Variants in VGLL3 observed in about 807,000 individuals in gnomAD.
The protein encoded by VGLL3 is vestigial like family member 3, also known as transcription cofactor vestigial-like protein 3.
A neutral mutation model predicts 29.2 loss-of-function variants in VGLL3; 18 were observed. That is an observed-to-expected ratio of 0.62 (90% CI 0.43 to 0.91). The LOEUF (loss-of-function observed/expected upper bound fraction) is 0.91. Ranked by LOEUF, VGLL3 falls within the 40% of genes least tolerant of loss-of-function variation. VGLL3 has a pLI of 0.00. For synonymous variants in VGLL3, 180 were observed against 151.8 expected (o/e 1.19, Z -1.36); for missense variants, 440 against 413.2 (o/e 1.06, Z -0.56).
intron 3 of VGLL3, among the ~76,000 whole-genome samples, chr3:86,959,752 C>A (rs1704800480): frequency 6.6e-6 from 1 of 151,922 alleles, no homozygotes; most frequent in South Asian, 2.1e-4. Context: ...ACATTAGTAC[C>A]CCAATGAAAT....
chr3:86,983,513 G>T (rs1705372618), intron 1 of VGLL3, among the ~76,000 whole-genome samples: 1 of 152,070 alleles, frequency 6.6e-6, no homozygotes, highest in Non-Finnish European at 1.5e-5. Flanking sequence ...CACTTCAACT[G>T]GGACTACAGG....
chr3:86,947,250 A>G lies in VGLL3; in HGVS notation c.938-183T>C, dbSNP rs375832017. 7.9e-5 allele frequency among the ~76,000 whole-genome samples: 12 copies of G among 152,348 alleles called. No individual in the cohort carries two copies. The East Asian group carries it at 1.7e-3, about 22-fold the overall frequency. ...GTGCTGGAGCTCACAATTTTCAAAA[A>G]ATCAACTAACACAGTATGTGACAAA... On this transcript the variant is annotated intron_variant, in intron 3 of 3. Coordinates refer to ENST00000398399, the MANE Select transcript of VGLL3 (RefSeq NM_016206.4).
chr3:86,982,181 G>C (rs1197138151), intron 1 of VGLL3, among the ~76,000 whole-genome samples: 1 of 151,984 alleles, frequency 6.6e-6, no homozygotes, highest in Admixed American at 6.6e-5. Flanking sequence ...TTTTGCTCTT[G>C]TTGCCCAGGC....
chr3:86,949,899 T>C (rs1489103148), intron 3 of VGLL3, among the ~76,000 whole-genome samples: 1 of 151,168 alleles, frequency 6.6e-6, no homozygotes, highest in Non-Finnish European at 1.5e-5. Context: ...TTAAGACAAC[T>C]GGTAATGGTA....
At chr3:86,955,572 G>A (rs1704705000) in intron 3 of VGLL3, among the ~76,000 whole-genome samples, 2 of 151,876 alleles carry the variant, frequency 1.3e-5, no homozygotes, top group African/African-American at 2.4e-5. Context: ...TGTATTTTTA[G>A]TACAGACGGA....
chr3:86,939,189 A>C lies in VGLL3; in HGVS notation c.*7835T>G, dbSNP rs890306700. 48 of 152,236 alleles carry C rather than the reference A, an allele frequency of 3.2e-4. 1 individual carries two copies. The highest frequency in any genetic ancestry group is 9.2e-4 in the African/African-American group (38 of 41,460). 9.4% of individuals were successfully genotyped at this position (152,236 alleles called of 1,614,324 possible). A position where few individuals can be genotyped will look rare whatever the true frequency, so the allele number is the denominator to read the frequency against. ...ATTATGACTTGCTACTCCCAGTGAA[A>C]TAGTCCTTCTCGATTACAAGAGTGA... On this transcript the variant is annotated 3_prime_UTR_variant, in exon 4 of 4. Transcript: ENST00000398399.
chr3:86,965,642 C>T (rs868060765), intron 3 of VGLL3, among the ~76,000 whole-genome samples: 4 of 152,180 alleles, frequency 2.6e-5, no homozygotes, highest in Admixed American at 6.5e-5. Context: ...ATTCCTGACT[C>T]TCAGTTGCTT....
chr3:86,973,745 A>G (rs1705153026), intron 2 of VGLL3, among the ~76,000 whole-genome samples: 2 of 152,082 alleles, frequency 1.3e-5, no homozygotes, highest in Non-Finnish European at 2.9e-5. Context: ...CCATTTGACT[A>G]TTTAGGTTTC....
At chr3:86,954,694 G>T (rs1704681343) in intron 3 of VGLL3, among the ~76,000 whole-genome samples, 1 of 152,094 alleles carries the variant, frequency 6.6e-6, no homozygotes. Flanking sequence ...CCTCTTGGGT[G>T]ATAGAAGCTG....
intron 3 of VGLL3, 145 bp from the exon 4 acceptor site, chr3:86,947,212 C>T (rs1704527006): frequency 1.6e-6 from 1 of 613,888 alleles, no homozygotes; most frequent in Non-Finnish European, 2.9e-6. Flanking sequence ...ATCATGATCT[C>T]TAAGCAAATT....
In VGLL3 at chr3:86,973,999, C is replaced by T. The variant is rs776765159; in HGVS notation, c.403+4527G>A. On this transcript the variant is annotated intron_variant, in intron 2 of 3. Transcript: ENST00000398399. ...AGGCATATTTGAAACCAATGTTTAG[C>T]GCTGTGCTAAATTAATCATATAGAT... is the stretch of plus-strand genomic sequence containing the variant. 7.9e-5 allele frequency among the ~76,000 whole-genome samples: 12 copies of T among 152,010 alleles called. 1 individual carries two copies. The highest frequency in any genetic ancestry group is 1.3e-4 in the Admixed American group (2 of 15,258).
chr3:86,956,792 C>CCAAAAA (rs1704732017), intron 3 of VGLL3, among the ~76,000 whole-genome samples: 1 of 90,860 alleles, frequency 1.1e-5, no homozygotes, highest in Non-Finnish European at 2.1e-5. Flanking sequence ...CCCACCGTCC[C>CCAAAAA]AAAAAAAAAA....
chr3:86,965,365 T>C (rs1704936587), intron 3 of VGLL3, among the ~76,000 whole-genome samples: 1 of 152,164 alleles, frequency 6.6e-6, no homozygotes, highest in Non-Finnish European at 1.5e-5. Context: ...ATGCTGAGTT[T>C]TCAGCTGAGT....
Position 86,938,453 on chromosome 3 carries a change from T to G in VGLL3, c.*8571A>C, listed in dbSNP as rs1398983501. The G allele has an allele frequency of 6.6e-6, 1 of 152,510 alleles. No individual in the cohort carries two copies. Among genetic ancestry groups the G allele is most frequent in the African/African-American group, 2.4e-5 (1 of 41,416 alleles). The allele number at this position is 152,510 out of a possible 1,614,324, so 9.4% of individuals were successfully genotyped here. On this transcript the variant is annotated 3_prime_UTR_variant, in exon 4 of 4. Transcript: ENST00000398399. Reference sequence around the variant, plus strand: ...GCAAGATCCACAAGAAAGGATAGAGTGTCATGCTTAAAGGGGAACAGATTT... The same window carrying G: ...GCAAGATCCACAAGAAAGGATAGAGGGTCATGCTTAAAGGGGAACAGATTT...
At chr3:86,975,932 T>C (rs891929089) in intron 2 of VGLL3, among the ~76,000 whole-genome samples, 5 of 152,096 alleles carry the variant, frequency 3.3e-5, no homozygotes, top group African/African-American at 1.2e-4. Flanking sequence ...GCCAACATGG[T>C]GAAACCCCGT....
At position 86,944,918 on chromosome 3, in the gene VGLL3, G is replaced by A. The variant is rs952708856; in HGVS notation, c.*2106C>T. 3.9e-5 allele frequency: 6 copies of A among 152,186 alleles called. No individual in the cohort carries two copies. The highest frequency in any genetic ancestry group is 1.4e-4 in the African/African-American group (6 of 41,438). The allele number at this position is 152,186 out of a possible 1,614,324, so 9.4% of individuals were successfully genotyped here. On this transcript the variant is annotated 3_prime_UTR_variant, in exon 4 of 4. Transcript: ENST00000398399. ...CCCTGTCAGTCATCACACAGGGACT[G>A]TTGAATACTTGCCTTTGAAAACTCA...
At position 86,991,026 on chromosome 3, in the gene VGLL3, C is replaced by G. The variant is rs2107088976; in HGVS notation, c.-283G>C. On this transcript the variant is annotated 5_prime_UTR_variant, in exon 1 of 4. Coordinates refer to ENST00000398399, the MANE Select transcript of VGLL3 (RefSeq NM_016206.4). ...CTCAGGGACGCAGCCGCCCGCTGCGCCGCTGGGGCATTACCGCGTCCGGCT... is the reference window on the plus strand; with the variant it reads ...CTCAGGGACGCAGCCGCCCGCTGCGGCGCTGGGGCATTACCGCGTCCGGCT... The G allele has an allele frequency of 1.3e-6, 1 of 790,842 alleles. No homozygotes were observed. Among genetic ancestry groups the G allele is most frequent in the East Asian group, 1.1e-4 (1 of 8,822 alleles). The allele number at this position is 790,842 out of a possible 1,614,324, so 49.0% of individuals were successfully genotyped here.
At chr3:86,947,357 T>A (rs1704529574) in intron 3 of VGLL3, among the ~76,000 whole-genome samples, 1 of 152,142 alleles carries the variant, frequency 6.6e-6, no homozygotes, top group Non-Finnish European at 1.5e-5. Context: ...GAGTGAATAG[T>A]AAATAGCAAA....
At position 86,965,904 on chromosome 3, in the gene VGLL3, A is replaced by G. The variant is rs76573052; in HGVS notation, c.937+2686T>C. On this transcript the variant is annotated intron_variant, in intron 3 of 3. Transcript: ENST00000398399. Reference sequence around the variant, plus strand: ...TCTCCAAAGATGTTGCCCTGAGAACATTACCCCATAAATTGTCTACAAGCA... The same window carrying G: ...TCTCCAAAGATGTTGCCCTGAGAACGTTACCCCATAAATTGTCTACAAGCA... 0.011 allele frequency among the ~76,000 whole-genome samples: 1,684 copies of G among 152,276 alleles called. 62 individuals carry two copies. In the East Asian group the frequency reaches 0.13, roughly 12 times the overall value.
Sources: allele counts gnomAD v4.1 joint callset (sites outside exome capture counted in the v4.1 genomes callset), GRCh38; gene constraint gnomAD v4.1.1; transcripts MANE v1.5; gene names NCBI Gene and HGNC (gene_info 2026-07-23, HGNC 2026-07-21).